The following ABCB7 variants were observed in gnomAD, a reference collection of about 807,000 sequenced individuals.
ABCB7 encodes the protein iron-sulfur clusters transporter ABCB7, mitochondrial.
Under a neutral mutation model 54.4 loss-of-function variants are expected in ABCB7, and 7 were observed. The observed-to-expected ratio is 0.13, with a 90% confidence interval of 0.07 to 0.24. ABCB7 has a LOEUF of 0.24. Among genes scored for constraint, ABCB7 ranks in the 10% least tolerant of loss-of-function variants. The pLI, the probability that ABCB7 is intolerant of heterozygous loss-of-function variation, is 1.00. For synonymous variants in ABCB7, 218 were observed against 207.1 expected (o/e 1.05, Z -0.45); for missense variants, 356 against 570.4 (o/e 0.62, Z 3.83).
intron 1 of ABCB7, among the ~76,000 whole-genome samples, chrX:75,125,989 C>T (rs1381210515): frequency 8.1e-5 from 9 of 110,990 alleles, no homozygotes; most frequent in Admixed American, 1.9e-4. Flanking sequence ...TTAAAAAATT[C>T]CATGAGGTGA....
In ABCB7 at chrX:75,070,464, T is replaced by C. The variant is rs1462292224; in HGVS notation, c.1266A>G (p.Leu422=). The change falls in exon 10 of 16, where the codon TTA becomes TTG. Residue 422 remains leucine (L), a synonymous_variant. Coordinates refer to ENST00000373394, the MANE Select transcript of ABCB7 (RefSeq NM_001271696.3). ...ATACAGTTCCCAGAAAGTTCAGGGG[T>C]AATGAAAGCTGAAAAAGCAGTCCAT... ...MVNGLLFQLS[L]PLNFLGTVYR... 1 of 1,207,825 alleles carries C rather than the reference T, an allele frequency of 8.3e-7. No homozygotes were observed. The highest frequency in any genetic ancestry group is 1.1e-6 in the Non-Finnish European group (1 of 894,123).
At chrX:75,128,000 T>C (rs967825326) in intron 1 of ABCB7, among the ~76,000 whole-genome samples, 2 of 111,675 alleles carry the variant, frequency 1.8e-5, no homozygotes, top group Non-Finnish European at 3.8e-5. Context: ...GAAGAATCAA[T>C]ATCGTGAAAA....
chrX:75,065,331 A>G (rs2081310326), intron 12 of ABCB7, 90 bp from the exon 13 acceptor site: 1 of 878,378 alleles, frequency 1.1e-6, no homozygotes, highest in East Asian at 3.4e-5. Flanking sequence ...TAGTAAAGAG[A>G]CAAAGGCATA....
At chrX:75,103,690 C>T (rs1300157100) in intron 3 of ABCB7, among the ~76,000 whole-genome samples, 1 of 109,351 alleles carries the variant, frequency 9.1e-6, no homozygotes, top group Non-Finnish European at 1.9e-5. Flanking sequence ...TCTTGCACCT[C>T]CTTGGTTAGA....
chrX:75,093,044 C>T (rs1487253511), intron 4 of ABCB7, among the ~76,000 whole-genome samples: 1 of 111,743 alleles, frequency 8.9e-6, no homozygotes, highest in Admixed American at 9.5e-5. Flanking sequence ...CAAGACAATC[C>T]AGCAATTGTG....
chrX:75,106,914 A>AG (rs756843114), intron 3 of ABCB7, among the ~76,000 whole-genome samples: 1 of 111,439 alleles, frequency 9.0e-6, no homozygotes, highest in Non-Finnish European at 1.9e-5. Context: ...ATCAAAAATC[A>AG]GGTGAGCCCT....
chrX:75,153,170 C>T (rs752083323), intron 1 of ABCB7, among the ~76,000 whole-genome samples: 27 of 110,510 alleles, frequency 2.4e-4, no homozygotes, highest in Non-Finnish European at 4.0e-4. Flanking sequence ...CTCCGCCTCC[C>T]GGGTTCACGC....
intron 13 of ABCB7, 136 bp from the exon 14 acceptor site, chrX:75,062,567 G>A: frequency 2.0e-6 from 1 of 510,978 alleles, no homozygotes; most frequent in East Asian, 3.7e-5. Context: ...ATTTTACTGA[G>A]TTGTAGAGTT....
chrX:75,075,122 T>C (rs765874487), intron 6 of ABCB7, among the ~76,000 whole-genome samples: 1 of 112,131 alleles, frequency 8.9e-6, no homozygotes, highest in African/African-American at 3.2e-5. Context: ...ACCTTGTAAG[T>C]ACTAGTTGAT....
intron 4 of ABCB7, among the ~76,000 whole-genome samples, chrX:75,097,989 C>A (rs768506742): frequency 9.0e-6 from 1 of 111,510 alleles, no homozygotes; most frequent in East Asian, 2.8e-4. Flanking sequence ...TACCTACAAA[C>A]GTGTACTTCC....
intron 4 of ABCB7, among the ~76,000 whole-genome samples, chrX:75,088,903 C>T (rs1161392614): frequency 1.9e-5 from 2 of 107,896 alleles, no homozygotes; most frequent in South Asian, 4.0e-4. Context: ...AAGGTACAGC[C>T]TGGCATATCA....
At chrX:75,119,194 G>T (rs2081851901) in intron 1 of ABCB7, among the ~76,000 whole-genome samples, 2 of 112,199 alleles carry the variant, frequency 1.8e-5, no homozygotes, top group Non-Finnish European at 3.8e-5. Context: ...TACATGCAAG[G>T]TGTGCAAAGA....
At chrX:75,129,942 A>G (rs192598168) in intron 1 of ABCB7, among the ~76,000 whole-genome samples, 12 of 111,122 alleles carry the variant, frequency 1.1e-4, no homozygotes, top group South Asian at 3.8e-4. Context: ...CTGCAACCCT[A>G]CAAGGTAGCT....
At chrX:75,053,812 T>A in intron 15 of ABCB7, among the ~76,000 whole-genome samples, 1 of 111,858 alleles carries the variant, frequency 8.9e-6, no homozygotes, top group Non-Finnish European at 1.9e-5. Context: ...AAATTTCTAA[T>A]ACCATAAACA....
chrX:75,100,302 C>T lies in ABCB7; in HGVS notation c.334-1241G>A, dbSNP rs563248181. Among the ~76,000 whole-genome samples, 10 of 110,615 alleles carry T rather than the reference C, an allele frequency of 9.0e-5. No individual in the cohort carries two copies. The South Asian group carries it at 3.5e-3, about 38-fold the overall frequency. On this transcript the variant is annotated intron_variant, in intron 3 of 15. Coordinates refer to ENST00000373394, the MANE Select transcript of ABCB7 (RefSeq NM_001271696.3). The stretch of plus-strand genomic sequence containing the variant: ...TCAGATTTCCCTTCCAGCTTAAAAC[C>T]CTTAAGCAGTATCCTATCATTCTTG...
chrX:75,053,230 C>T lies in ABCB7; in HGVS notation c.*140G>A, dbSNP rs2081208960. On this transcript the variant is annotated 3_prime_UTR_variant, in exon 16 of 16. Coordinates refer to ENST00000373394, the MANE Select transcript of ABCB7 (RefSeq NM_001271696.3). ...TAAATAGACTATGAAAGATGTAAAA[C>T]TCAAATCCCCTTTTAAATAAATCTT... is the stretch of plus-strand genomic sequence containing the variant. The T allele has an allele frequency of 6.0e-6, 5 of 839,078 alleles. No homozygotes were observed. Among genetic ancestry groups the T allele is most frequent in the Non-Finnish European group, 8.2e-6 (5 of 608,345 alleles). The allele number at this position is 839,078 out of a possible 1,213,427, so 69.1% of individuals were successfully genotyped here.
At chrX:75,084,410 T>A (rs1247971756) in intron 4 of ABCB7, among the ~76,000 whole-genome samples, 4 of 111,647 alleles carry the variant, frequency 3.6e-5, no homozygotes, top group Non-Finnish European at 7.5e-5. Flanking sequence ...TGGAAAAAAA[T>A]TTAATTTCTA....
At chrX:75,093,989 G>C (rs1020269135) in intron 4 of ABCB7, among the ~76,000 whole-genome samples, 1 of 96,042 alleles carries the variant, frequency 1.0e-5, no homozygotes, top group South Asian at 4.9e-4. Context: ...AGCTTCATTT[G>C]TCTCTCCTTT....
chrX:75,115,874 T>G (rs146293215), intron 1 of ABCB7, among the ~76,000 whole-genome samples: 2,356 of 110,099 alleles, frequency 0.021, 69 homozygotes, highest in African/African-American at 0.074. Context: ...GCATTAACAT[T>G]AAAACAGCGA....
Sources: gnomAD v4.1 joint callset for allele counts (sites outside exome capture counted in the v4.1 genomes callset) on GRCh38, gnomAD v4.1.1 for gene constraint, MANE v1.5 for transcripts, NCBI Gene and HGNC (gene_info 2026-07-23, HGNC 2026-07-21) for gene names.